Variants in ITGBL1 observed in about 807,000 individuals in gnomAD.
ITGBL1 encodes integrin beta-like protein 1.
A neutral mutation model predicts 68.5 loss-of-function variants in ITGBL1; 51 were observed. That is an observed-to-expected ratio of 0.74 (90% CI 0.59 to 0.94). The LOEUF (loss-of-function observed/expected upper bound fraction) is 0.94. Ranked by LOEUF, ITGBL1 falls within the 40% of genes least tolerant of loss-of-function variation. The pLI, the probability that ITGBL1 is intolerant of heterozygous loss-of-function variation, is 0.00. For missense variants in ITGBL1, 649 were observed against 647.4 expected (o/e 1.00, Z -0.03); for synonymous variants, 209 against 227.3 (o/e 0.92, Z 0.72).
At chr13:101,600,111 A>C (rs9585734) in intron 7 of ITGBL1, among the ~76,000 whole-genome samples, 85,230 of 150,670 alleles carry the variant, frequency 0.57, 25,510 homozygotes, top group Middle Eastern at 0.68. Flanking sequence ...CTTTTATTTC[A>C]TTGAGCAGTG....
intron 7 of ITGBL1, among the ~76,000 whole-genome samples, chr13:101,668,911 TAAAA>T (rs1342117046): frequency 6.6e-6 from 1 of 152,132 alleles, no homozygotes; most frequent in African/African-American, 2.4e-5. Flanking sequence ...TGTTTCACAT[TAAAA>T]ATTTGTTCTA....
intron 2 of ITGBL1, among the ~76,000 whole-genome samples, chr13:101,478,567 T>C (rs1398379136): frequency 6.6e-6 from 1 of 152,044 alleles, no homozygotes; most frequent in Non-Finnish European, 1.5e-5. Context: ...TGATATGATC[T>C]TATGCTTAGA....
chr13:101,683,078 A>G (rs930244892), intron 7 of ITGBL1, among the ~76,000 whole-genome samples: 2 of 152,142 alleles, frequency 1.3e-5, no homozygotes, highest in African/African-American at 4.8e-5. Context: ...AGAAAAGTAT[A>G]TAACATAAAT....
At chr13:101,599,120 T>C (rs1202108707) in intron 7 of ITGBL1, among the ~76,000 whole-genome samples, 1 of 152,106 alleles carries the variant, frequency 6.6e-6, no homozygotes, top group Non-Finnish European at 1.5e-5. Flanking sequence ...TTTTTAATGA[T>C]TGCCATTCTA....
At chr13:101,633,478 C>T (rs1328713518) in intron 7 of ITGBL1, among the ~76,000 whole-genome samples, 1 of 152,160 alleles carries the variant, frequency 6.6e-6, no homozygotes, top group African/African-American at 2.4e-5. Context: ...TTCTTCCATC[C>T]ATGCATGTTG....
chr13:101,704,456 G>C (rs1035205451), intron 8 of ITGBL1, among the ~76,000 whole-genome samples: 7 of 135,122 alleles, frequency 5.2e-5, no homozygotes, highest in Non-Finnish European at 1.1e-4. Context: ...GATAAACATT[G>C]GGTGAATACC....
At chr13:101,536,168 T>C (rs2049572470) in intron 2 of ITGBL1, among the ~76,000 whole-genome samples, 1 of 151,974 alleles carries the variant, frequency 6.6e-6, no homozygotes, top group African/African-American at 2.4e-5. Context: ...CCTTTTCTTT[T>C]AAAAGGACTC....
At chr13:101,569,025 A>AACACACAC (rs112814235) in intron 3 of ITGBL1, among the ~76,000 whole-genome samples, 3,982 of 103,630 alleles carry the variant, frequency 0.038, 236 homozygotes, top group Middle Eastern at 0.075. Context: ...CACCCCTCCA[A>AACACACAC]ACACACACAC....
At chr13:101,649,426 A>C (rs923892837) in intron 7 of ITGBL1, among the ~76,000 whole-genome samples, 2 of 152,188 alleles carry the variant, frequency 1.3e-5, no homozygotes, top group African/African-American at 4.8e-5. Context: ...CAATTAGACT[A>C]TAAGGTCAAT....
chr13:101,571,474 T>G (rs1446058160), intron 3 of ITGBL1, among the ~76,000 whole-genome samples: 1 of 152,136 alleles, frequency 6.6e-6, no homozygotes, highest in Non-Finnish European at 1.5e-5. Flanking sequence ...CACTTTCAAT[T>G]TTAGGTTTTA....
At chr13:101,454,211 A>C in intron 2 of ITGBL1, 111 bp downstream of exon 2, 1 of 631,300 alleles carries the variant, frequency 1.6e-6, no homozygotes, top group Non-Finnish European at 2.4e-6. Context: ...TCACATAAGC[A>C]CCAATTAAGT....
At chr13:101,518,364 T>A (rs1411206741) in intron 2 of ITGBL1, among the ~76,000 whole-genome samples, 3 of 152,186 alleles carry the variant, frequency 2.0e-5, no homozygotes, top group Non-Finnish European at 4.4e-5. Context: ...TATACATACA[T>A]TGTTATGTTG....
intron 9 of ITGBL1, among the ~76,000 whole-genome samples, chr13:101,708,048 C>G (rs1291435196): frequency 4.6e-5 from 7 of 150,858 alleles, no homozygotes; most frequent in Non-Finnish European, 7.4e-5. Flanking sequence ...CACACACACA[C>G]ACACACACAC....
chr13:101,559,159 AT>A (rs2050060274), intron 2 of ITGBL1, among the ~76,000 whole-genome samples: 1 of 152,212 alleles, frequency 6.6e-6, no homozygotes, highest in Admixed American at 6.5e-5. Flanking sequence ...GACACATAGA[AT>A]TTTAACTGGT....
chr13:101,459,431 T>A (rs2048288349), intron 2 of ITGBL1, among the ~76,000 whole-genome samples: 1 of 152,222 alleles, frequency 6.6e-6, no homozygotes, highest in South Asian at 2.1e-4. Context: ...TATATACTTC[T>A]ACATTTATTC....
At chr13:101,612,366 G>T (rs989897844) in intron 7 of ITGBL1, among the ~76,000 whole-genome samples, 6 of 152,132 alleles carry the variant, frequency 3.9e-5, no homozygotes, top group African/African-American at 1.2e-4. Context: ...GCCCTGTATT[G>T]TATAATAGTT....
rs551727144 is a variant in ITGBL1 at position 101,525,621 on chromosome 13, A to G, written c.317-42078A>G. ...GTCTATTTTCTAATAAATGCTAACTATTTTGAAGAGAAATGCATTACTCCC... is the reference window on the plus strand; with the variant it reads ...GTCTATTTTCTAATAAATGCTAACTGTTTTGAAGAGAAATGCATTACTCCC... On this transcript the variant is annotated intron_variant, in intron 2 of 10. Transcript: ENST00000376180. Among the ~76,000 whole-genome samples, 6 of 151,872 alleles carry G rather than the reference A, an allele frequency of 4.0e-5. No homozygotes were observed. The East Asian group carries it at 1.2e-3, about 30-fold the overall frequency.
chr13:101,620,954 C>T (rs1207205981), intron 7 of ITGBL1, among the ~76,000 whole-genome samples: 5 of 152,096 alleles, frequency 3.3e-5, no homozygotes, highest in Non-Finnish European at 5.9e-5. Flanking sequence ...GTTTCTGTGT[C>T]GTGACTGTCA....
intron 7 of ITGBL1, among the ~76,000 whole-genome samples, chr13:101,670,701 G>A (rs553924954): frequency 3.6e-4 from 55 of 152,128 alleles, no homozygotes; most frequent in African/African-American, 1.3e-3. Context: ...ATTAACTTTG[G>A]GAATTTCTAG....
Sources: gnomAD v4.1 joint callset for allele counts (sites outside exome capture counted in the v4.1 genomes callset) on GRCh38, gnomAD v4.1.1 for gene constraint, MANE v1.5 for transcripts, NCBI Gene and HGNC (gene_info 2026-07-23, HGNC 2026-07-21) for gene names.